CSRNP3: variants seen among roughly 807,000 people sequenced by gnomAD.
CSRNP3 encodes cysteine and serine rich nuclear protein 3.
A neutral mutation model predicts 48.0 loss-of-function variants in CSRNP3; 12 were observed. The ratio of observed to expected loss-of-function variants is 0.25; its 90% CI spans 0.16 to 0.41. The LOEUF (loss-of-function observed/expected upper bound fraction) is 0.41. Ranked by LOEUF, CSRNP3 falls within the 10% of genes least tolerant of loss-of-function variation. The pLI, the probability that CSRNP3 is intolerant of heterozygous loss-of-function variation, is 1.00. For synonymous variants in CSRNP3, 263 were observed against 269.7 expected (o/e 0.98, Z 0.24); for missense variants, 580 against 724.4 (o/e 0.80, Z 2.29).
chr2:165,477,804 C>G (rs1014584812), intron 1 of CSRNP3, among the ~76,000 whole-genome samples: 8 of 151,912 alleles, frequency 5.3e-5, no homozygotes, highest in Admixed American at 2.0e-4. Context: ...TGGTGAAACC[C>G]CATCACTGCA....
At chr2:165,567,587 A>G (rs1173155680) in intron 3 of CSRNP3, among the ~76,000 whole-genome samples, 1 of 152,066 alleles carries the variant, frequency 6.6e-6, no homozygotes, top group Non-Finnish European at 1.5e-5. Context: ...TGAAAAACCG[A>G]AAGGGTAAAA....
intron 3 of CSRNP3, among the ~76,000 whole-genome samples, chr2:165,577,917 A>G (rs1685479376): frequency 6.6e-6 from 1 of 151,962 alleles, no homozygotes; most frequent in Non-Finnish European, 1.5e-5. Flanking sequence ...ATAGTATAGG[A>G]ACACACAAAA....
intron 4 of CSRNP3, among the ~76,000 whole-genome samples, chr2:165,607,610 G>A (rs1052023663): frequency 5.3e-5 from 8 of 152,156 alleles, no homozygotes; most frequent in African/African-American, 9.6e-5. Flanking sequence ...CTTCTCCTGA[G>A]GTATTAAAAC....
At chr2:165,564,479 A>G (rs934935148) in intron 3 of CSRNP3, among the ~76,000 whole-genome samples, 1 of 151,972 alleles carries the variant, frequency 6.6e-6, no homozygotes, top group African/African-American at 2.4e-5. Flanking sequence ...ATTCTAAGAG[A>G]TTTTATAATT....
intron 4 of CSRNP3, among the ~76,000 whole-genome samples, chr2:165,610,904 G>A (rs1054762841): frequency 4.6e-5 from 7 of 152,110 alleles, no homozygotes; most frequent in African/African-American, 1.2e-4. Flanking sequence ...GGAAATAGTC[G>A]CAACAAGTGT....
chr2:165,505,077 C>T (rs1302545472), intron 2 of CSRNP3, among the ~76,000 whole-genome samples: 1 of 152,028 alleles, frequency 6.6e-6, no homozygotes, highest in Non-Finnish European at 1.5e-5. Context: ...GGAGACAGTA[C>T]ATCATTAAAT....
At chr2:165,563,330 G>A (rs1204438726) in intron 3 of CSRNP3, among the ~76,000 whole-genome samples, 1 of 152,120 alleles carries the variant, frequency 6.6e-6, no homozygotes, top group African/African-American at 2.4e-5. Context: ...GCAACCCAGT[G>A]GCCATACTTC....
intron 5 of CSRNP3, 149 bp downstream of exon 5, chr2:165,658,169 G>A: frequency 1.2e-6 from 1 of 848,962 alleles, no homozygotes; most frequent in South Asian, 1.9e-5. Flanking sequence ...AAACGATATA[G>A]TCTGTTTGCT....
chr2:165,478,125 A>C (rs1683993347), intron 1 of CSRNP3, among the ~76,000 whole-genome samples: 2 of 152,174 alleles, frequency 1.3e-5, no homozygotes, highest in South Asian at 2.1e-4. Context: ...CCTTCCCAAC[A>C]CAAAAGTCTC....
In CSRNP3 at chr2:165,595,134, A is replaced by G; in HGVS notation, c.69A>G (p.Glu23=). The G allele has an allele frequency of 6.2e-7, 1 of 1,614,092 alleles. No individual in the cohort carries two copies. The highest frequency in any genetic ancestry group is 8.5e-7 in the Non-Finnish European group (1 of 1,179,940). The change falls in exon 4 of 7, where the codon GAA becomes GAG. Residue 23 remains glutamate (E), a synonymous_variant. Transcript: ENST00000651982. ...DGSSPCSSVR[E]SDDEVSSSES... ...CCTCACCCTGCTCCTCTGTGAGGGA[A>G]TCAGATGATGAAGTTTCCAGCAGTG...
intron 3 of CSRNP3, among the ~76,000 whole-genome samples, chr2:165,581,033 A>G (rs976797129): frequency 6.6e-6 from 1 of 152,172 alleles, no homozygotes; most frequent in Non-Finnish European, 1.5e-5. Flanking sequence ...ACTTGATCAA[A>G]TTTCAACAGT....
intron 4 of CSRNP3, among the ~76,000 whole-genome samples, chr2:165,645,170 C>T (rs1199308664): frequency 2.0e-5 from 3 of 152,022 alleles, no homozygotes; most frequent in Admixed American, 2.0e-4. Context: ...CCCGTCAATA[C>T]TAAAAATATA....
intron 1 of CSRNP3, among the ~76,000 whole-genome samples, chr2:165,473,845 A>G (rs909537940): frequency 6.6e-6 from 1 of 152,184 alleles, no homozygotes; most frequent in African/African-American, 2.4e-5. Context: ...CCCTGAGAAA[A>G]CACTCAATAT....
At chr2:165,606,003 A>G (rs1290596542) in intron 4 of CSRNP3, among the ~76,000 whole-genome samples, 8 of 152,138 alleles carry the variant, frequency 5.3e-5, no homozygotes, top group Admixed American at 5.2e-4. Flanking sequence ...ATGAGTTGAG[A>G]AGTAAGAGTC....
chr2:165,673,229 C>T (rs1231719466), intron 5 of CSRNP3, among the ~76,000 whole-genome samples: 1 of 134,254 alleles, frequency 7.4e-6, no homozygotes, highest in African/African-American at 2.7e-5. Context: ...CCTTTGCCTC[C>T]CAGGTTCAAG....
intron 3 of CSRNP3, among the ~76,000 whole-genome samples, chr2:165,552,407 A>G (rs1022258265): frequency 6.6e-6 from 1 of 152,234 alleles, no homozygotes; most frequent in African/African-American, 2.4e-5. Flanking sequence ...CAATCAGTAT[A>G]GGGTGAGATA....
chr2:165,539,213 G>A (rs1246616479), intron 3 of CSRNP3, among the ~76,000 whole-genome samples: 1 of 151,946 alleles, frequency 6.6e-6, no homozygotes, highest in African/African-American at 2.4e-5. Flanking sequence ...AAAACTGACA[G>A]ATCAATATGC....
chr2:165,661,594 A>G (rs1687097285), intron 5 of CSRNP3, among the ~76,000 whole-genome samples: 1 of 152,214 alleles, frequency 6.6e-6, no homozygotes, highest in African/African-American at 2.4e-5. Context: ...ACTCATGAAA[A>G]GCCAAACCAT....
Position 165,687,046 on chromosome 2 carries a change from C to G in CSRNP3, c.*7293C>G, listed in dbSNP as rs1343477787. On this transcript the variant is annotated 3_prime_UTR_variant, in exon 7 of 7. Transcript: ENST00000651982. ...GTTTCCTTGGCAACACAATTCAGCTCTCTTAGGTTTTCTCACAATAAGAAA... is the reference window on the plus strand; with the variant it reads ...GTTTCCTTGGCAACACAATTCAGCTGTCTTAGGTTTTCTCACAATAAGAAA... The G allele has an allele frequency of 6.6e-6, 1 of 152,052 alleles. No individual in the cohort carries two copies. The highest frequency in any genetic ancestry group is 2.1e-4 in the South Asian group (1 of 4,826). The allele number at this position is 152,052 out of a possible 1,614,324, so 9.4% of individuals were successfully genotyped here. A position where few individuals can be genotyped will look rare whatever the true frequency, so the allele number is the denominator to read the frequency against.
Sources: allele counts gnomAD v4.1 joint callset (sites outside exome capture counted in the v4.1 genomes callset), GRCh38; gene constraint gnomAD v4.1.1; transcripts MANE v1.5; gene names NCBI Gene and HGNC (gene_info 2026-07-23, HGNC 2026-07-21).